Variants in CXCL14 observed in about 807,000 individuals in gnomAD.
CXCL14 encodes the protein C-X-C motif chemokine 14.
Under a neutral mutation model 16.1 loss-of-function variants are expected in CXCL14, and 9 were observed. The observed-to-expected ratio is 0.56, with a 90% CI of 0.34 to 0.97. The LOEUF (loss-of-function observed/expected upper bound fraction) is 0.97, where lower values mean the gene tolerates loss of function less well. Ranked by LOEUF, CXCL14 falls within the 50% of genes least tolerant of loss-of-function variation. The pLI is 0.02. For missense variants in CXCL14, 111 were observed against 132.5 expected (o/e 0.84, Z 0.80); for synonymous variants, 55 against 52.8 (o/e 1.04, Z -0.18).
At position 135,578,461 on chromosome 5, in the gene CXCL14, T is replaced by G; in HGVS notation, c.143A>C (p.Tyr48Ser). The change falls in exon 2 of 4, where the codon TAC (tyrosine) becomes TCC (serine). Residue 48 changes from tyrosine (Y) to serine (S), a missense_variant. Physicochemically the swap from Tyr to Ser is moderately radical, Grantham distance 144. Transcript: ENST00000512158. ...DVKKLEMKPK[Y>S]PHCEEKMVII... ...AACCATCTTCTCCTCGCAGTGCGGG[T>G]ACTTTGGCTTCATTTCCAGCTTCTT... is the stretch of plus-strand genomic sequence containing the variant. The G allele has an allele frequency of 6.2e-7, 1 of 1,613,968 alleles. No homozygotes were observed. Among genetic ancestry groups the G allele is most frequent in the Non-Finnish European group, 8.5e-7 (1 of 1,179,974 alleles).
intron 2 of CXCL14, among the ~76,000 whole-genome samples, chr5:135,577,011 T>C (rs1164849842): frequency 6.6e-6 from 1 of 152,156 alleles, no homozygotes; most frequent in Admixed American, 6.5e-5. Flanking sequence ...TGCACGTTTC[T>C]ACAAGGCTCC....
intron 2 of CXCL14, among the ~76,000 whole-genome samples, 182 bp downstream of exon 2, chr5:135,578,252 C>G (rs919746155): frequency 6.6e-6 from 1 of 152,184 alleles, no homozygotes; most frequent in Non-Finnish European, 1.5e-5. Context: ...CCCCCCTTCC[C>G]GACTGTCTTC....
chr5:135,578,919 C>A lies in CXCL14; in HGVS notation c.-141G>T. ...CTTCCGGCTCTGCTGGCTCCGGCTGCGCCGTCGGTGGATGCCCAGGGCTGT... is the reference window on the plus strand; with the variant it reads ...CTTCCGGCTCTGCTGGCTCCGGCTGAGCCGTCGGTGGATGCCCAGGGCTGT... On this transcript the variant is annotated 5_prime_UTR_variant, in exon 1 of 4. Transcript: ENST00000512158. 1.1e-6 allele frequency: 1 copy of A among 916,352 alleles called. No individual in the cohort carries two copies. Among genetic ancestry groups the A allele is most frequent in the South Asian group, 2.0e-5 (1 of 50,896 alleles). 56.8% of individuals were successfully genotyped at this position (916,352 alleles called of 1,614,324 possible).
In CXCL14 at chr5:135,578,501, G is replaced by A. The variant is rs1488452060; in HGVS notation, c.103C>T (p.Arg35Cys). The A allele has an allele frequency of 1.2e-6, 2 of 1,614,088 alleles. No homozygotes were observed. The highest frequency in any genetic ancestry group is 1.7e-6 in the Non-Finnish European group (2 of 1,180,038). Residue 35 changes from arginine (R) to cysteine (C), a missense_variant, in exon 2 of 4, where the codon CGC becomes TGC. Coordinates refer to ENST00000512158, the MANE Select transcript of CXCL14 (RefSeq NM_004887.5). ...CKCSRKGPKIRYSDVKKLEMK... is the reference protein window; with the variant it reads ...CKCSRKGPKICYSDVKKLEMK... ...TCCAGCTTCTTCACGTCGCTGTAGC[G>A]GATCTTGGGTCCCTTCCGGGAGCAC... is the stretch of plus-strand genomic sequence containing the variant.
At chr5:135,577,810 G>C (rs1251679530) in intron 2 of CXCL14, among the ~76,000 whole-genome samples, 2 of 152,220 alleles carry the variant, frequency 1.3e-5, no homozygotes, top group African/African-American at 4.8e-5. Context: ...TCCCCACCAA[G>C]CAGGGCTCCA....
In CXCL14 at chr5:135,574,612, G is replaced by A; in HGVS notation, c.244C>T (p.Arg82Cys). The A allele has an allele frequency of 2.5e-6, 4 of 1,613,560 alleles. No homozygotes were observed. Among genetic ancestry groups the A allele is most frequent in the East Asian group, 2.2e-5 (1 of 44,880 alleles). ...CLHPKLQSTKRFIKWYNAWNE... is the reference protein window; with the variant it reads ...CLHPKLQSTKCFIKWYNAWNE... ...CAGGCGTTGTACCACTTGATGAAGC[G>A]CTTGGTGCTCTGCAGCTTGGGGTGC... is the stretch of plus-strand genomic sequence containing the variant. Residue 82 changes from arginine to cysteine, a missense_variant, in exon 3 of 4, where the codon CGC (arginine) becomes TGC (cysteine). Physicochemically the swap from Arg to Cys is radical, Grantham distance 180. Transcript: ENST00000512158.
intron 3 of CXCL14, 107 bp from the exon 4 acceptor site, chr5:135,571,975 T>G (rs1436689801): frequency 6.1e-6 from 7 of 1,153,250 alleles, no homozygotes; most frequent in Non-Finnish European, 9.0e-6. Flanking sequence ...GGAATGCCCC[T>G]GTCCCAGAAC....
chr5:135,578,770 G>T lies in CXCL14; in HGVS notation c.9C>A (p.Leu3=). ...GCAGCAGGAGCAGCGCGGCCGCCAGGAGCCTCATGCTGACCGGAGGGGCGC... is the reference window on the plus strand; with the variant it reads ...GCAGCAGGAGCAGCGCGGCCGCCAGTAGCCTCATGCTGACCGGAGGGGCGC... MR[L]LAAALLLLLL... The change falls in exon 1 of 4, where the codon CTC becomes CTA. Residue 3 remains leucine (L), a synonymous_variant. Coordinates refer to ENST00000512158, the MANE Select transcript of CXCL14 (RefSeq NM_004887.5). 6.5e-7 allele frequency: 1 copy of T among 1,545,600 alleles called. No individual in the cohort carries two copies. Among genetic ancestry groups the T allele is most frequent in the Non-Finnish European group, 8.7e-7 (1 of 1,145,720 alleles).
At chr5:135,574,529 G>T in intron 3 of CXCL14, 43 bp downstream of exon 3, 1 of 1,546,028 alleles carries the variant, frequency 6.5e-7, no homozygotes, top group Non-Finnish European at 8.9e-7. Context: ...GAGAGCCACA[G>T]CTGGGTCTGG....
chr5:135,572,837 C>T (rs1274087226), intron 3 of CXCL14, among the ~76,000 whole-genome samples: 1 of 152,220 alleles, frequency 6.6e-6, no homozygotes, highest in African/African-American at 2.4e-5. Context: ...CTTTCTCTCT[C>T]TCTCTGTACA....
At chr5:135,573,041 G>GA (rs111277613) in intron 3 of CXCL14, among the ~76,000 whole-genome samples, 6,916 of 149,062 alleles carry the variant, frequency 0.046, 188 homozygotes, top group Non-Finnish European at 0.055. Flanking sequence ...GAATTTTCAG[G>GA]AAAAAAAAAA....
At position 135,578,805 on chromosome 5, in the gene CXCL14, GCAGGGA is replaced by G; in HGVS notation, c.-33_-28del. 6.5e-7 allele frequency: 1 copy of G among 1,531,894 alleles called. No individual in the cohort carries two copies. Among genetic ancestry groups the G allele is most frequent in the Middle Eastern group, 1.8e-4 (1 of 5,656 alleles). The allele number at this position is 1,531,894 out of a possible 1,614,324, so 94.9% of individuals were successfully genotyped here. A position where few individuals can be genotyped will look rare whatever the true frequency, so the allele number is the denominator to read the frequency against. On this transcript the variant is annotated 5_prime_UTR_variant, in exon 1 of 4. Transcript: ENST00000512158. ...CTGACCGGAGGGGCGCGGCGTGGGA[GCAGGGA>G]CATGGGGAGGGCGCTGGCCCGTCGG...
At chr5:135,575,719 G>C (rs1751087756) in intron 2 of CXCL14, among the ~76,000 whole-genome samples, 1 of 152,196 alleles carries the variant, frequency 6.6e-6, no homozygotes, top group African/African-American at 2.4e-5. Context: ...TAGGCCACAG[G>C]CATGACAGGA....
At chr5:135,577,021 C>T (rs973496144) in intron 2 of CXCL14, among the ~76,000 whole-genome samples, 2 of 152,058 alleles carry the variant, frequency 1.3e-5, no homozygotes, top group African/African-American at 2.4e-5. Context: ...TACAAGGCTC[C>T]GTAAAGCCTT....
intron 3 of CXCL14, among the ~76,000 whole-genome samples, chr5:135,572,906 T>A (rs1162625239): frequency 1.3e-5 from 2 of 152,152 alleles, no homozygotes; most frequent in Non-Finnish European, 2.9e-5. Context: ...TATTTTCAAC[T>A]TGTTTCAGGG....
At chr5:135,576,397 A>G (rs1375865856) in intron 2 of CXCL14, among the ~76,000 whole-genome samples, 1 of 152,236 alleles carries the variant, frequency 6.6e-6, no homozygotes, top group African/African-American at 2.4e-5. Flanking sequence ...CAGTTAGGTC[A>G]GTGTGCAGGC....
Position 135,571,536 on chromosome 5 carries a change from CA to C in CXCL14, c.*316del. The C allele has an allele frequency of 2.7e-6, 1 of 366,958 alleles. No individual in the cohort carries two copies. The highest frequency in any genetic ancestry group is 4.9e-6 in the Non-Finnish European group (1 of 205,480). 22.7% of individuals were successfully genotyped at this position (366,958 alleles called of 1,614,324 possible). On this transcript the variant is annotated 3_prime_UTR_variant, in exon 4 of 4. Coordinates refer to ENST00000512158, the MANE Select transcript of CXCL14 (RefSeq NM_004887.5). ...ATGTATAGTGACGTATGGACAAATA[CA>C]AAAAAGCATTTTTTAAAAAGGAAAG...
At position 135,571,862 on chromosome 5, in the gene CXCL14, G is replaced by A. The variant is rs2547; in HGVS notation, c.291C>T (p.Tyr97=). 143,357 of 1,582,688 alleles carry A rather than the reference G, an allele frequency of 0.091. 6,958 individuals are homozygous for A. Among genetic ancestry groups the A allele is most frequent in the South Asian group, 0.16 (14,129 of 90,348 alleles). ...TCTGAGGTTTTTCACCCTATTCTTC[G>A]TAGACCCTGGGGAGAAAAAACACAT... ...YNAWNEKRRV[Y]EE Residue 97 remains tyrosine (Y), a synonymous_variant, in exon 4 of 4, where the codon TAC becomes TAT. Coordinates refer to ENST00000512158, the MANE Select transcript of CXCL14 (RefSeq NM_004887.5).
rs1751035829 is a variant in CXCL14 at position 135,571,868 on chromosome 5, C to G, written c.285G>C (p.Arg95Ser). 1.9e-6 allele frequency: 3 copies of G among 1,594,240 alleles called. No homozygotes were observed. Among genetic ancestry groups the G allele is most frequent in the South Asian group, 2.2e-5 (2 of 90,638 alleles). Reference protein sequence around the residue: ...KWYNAWNEKRRVYEE With the variant: ...KWYNAWNEKRSVYEE ...GTTTTTCACCCTATTCTTCGTAGAC[C>G]CTGGGGAGAAAAAACACATGTGTAA... is the stretch of plus-strand genomic sequence containing the variant. The change falls in exon 4 of 4, where the codon AGG (arginine) becomes AGC (serine). Residue 95 changes from arginine to serine, a missense_variant and splice_region_variant. Arg to Ser is a moderately radical substitution (Grantham distance 110). Transcript: ENST00000512158.
Sources: gnomAD v4.1 joint callset for allele counts (sites outside exome capture counted in the v4.1 genomes callset) on GRCh38, gnomAD v4.1.1 for gene constraint, MANE v1.5 for transcripts, NCBI Gene and HGNC (gene_info 2026-07-23, HGNC 2026-07-21) for gene names.